SLC35F3: variants seen among roughly 807,000 people sequenced by gnomAD.
SLC35F3 encodes the protein solute carrier family 35 member F3.
SLC35F3 carries 25 observed loss-of-function variants against 49.9 expected under a neutral mutation model. The ratio of observed to expected loss-of-function variants is 0.50; its 90% CI spans 0.37 to 0.70. The LOEUF is 0.70. SLC35F3 is among the 30% of genes least tolerant of loss of function. SLC35F3 has a pLI of 0.00. For missense variants in SLC35F3, 525 were observed against 639.8 expected, an observed-to-expected ratio of 0.82 and a Z score of 1.94; for synonymous variants, 275 against 265.4, an observed-to-expected ratio of 1.04 and a Z score of -0.35.
chr1:234,223,570 G>A (rs879258223), intron 2 of SLC35F3, among the ~76,000 whole-genome samples: 1 of 152,132 alleles, frequency 6.6e-6, no homozygotes, highest in Non-Finnish European at 1.5e-5. Flanking sequence ...ATTCACAGGA[G>A]GCAAACAAAT....
At chr1:234,074,720 A>G (rs1476602684) in intron 2 of SLC35F3, among the ~76,000 whole-genome samples, 1 of 152,244 alleles carries the variant, frequency 6.6e-6, no homozygotes, top group African/African-American at 2.4e-5. Context: ...AAAGCAATCA[A>G]AGTAGAGAGG....
chr1:234,058,860 G>T (rs1361397854), intron 2 of SLC35F3, among the ~76,000 whole-genome samples: 1 of 151,868 alleles, frequency 6.6e-6, no homozygotes, highest in Non-Finnish European at 1.5e-5. Context: ...TACTCATTAT[G>T]TATCTATTTA....
chr1:234,286,458 T>C (rs1456800716), intron 3 of SLC35F3, among the ~76,000 whole-genome samples: 1 of 152,284 alleles, frequency 6.6e-6, no homozygotes, highest in Admixed American at 6.5e-5. Context: ...ATTATAACTT[T>C]ACCGTGAGTT....
At position 234,231,658 on chromosome 1, in the gene SLC35F3, C is replaced by T. The variant is rs1667378904; in HGVS notation, c.525C>T (p.Asn175=). Residue 175 remains asparagine (N), a synonymous_variant, in exon 3 of 8, where the codon AAC becomes AAT. Transcript: ENST00000366618. The surrounding 1 kb of genome is among the most constrained non-coding windows in gnomAD (Gnocchi z 5.4). Reference sequence around the variant, plus strand: ...TCACCCTCACGTGGTTTGCCACCAACTGGAACTTTTTATTCTTCCCGTTGT... The same window carrying T: ...TCACCCTCACGTGGTTTGCCACCAATTGGAACTTTTTATTCTTCCCGTTGT... ...APFTLTWFAT[N]WNFLFFPLYY... The T allele has an allele frequency of 1.2e-6, 2 of 1,614,104 alleles. No homozygotes were observed. The highest frequency in any genetic ancestry group is 2.2e-5 in the South Asian group (2 of 91,096).
At chr1:234,026,660 A>T (rs966876937) in intron 2 of SLC35F3, among the ~76,000 whole-genome samples, 2 of 152,132 alleles carry the variant, frequency 1.3e-5, no homozygotes, top group Non-Finnish European at 2.9e-5. Flanking sequence ...AGGTGAGAGG[A>T]TCACTTGAGA....
chr1:234,127,050 C>A (rs908637424), intron 2 of SLC35F3, among the ~76,000 whole-genome samples: 1 of 152,224 alleles, frequency 6.6e-6, no homozygotes, highest in African/African-American at 2.4e-5. Context: ...CTACAACATG[C>A]AACTTTCTAG....
At chr1:234,200,325 CT>C (rs1666884583) in intron 2 of SLC35F3, among the ~76,000 whole-genome samples, 1 of 152,016 alleles carries the variant, frequency 6.6e-6, no homozygotes, top group Admixed American at 6.6e-5. Flanking sequence ...ATTGGGTTGT[CT>C]TTTTATTTTT....
At chr1:234,253,395 T>C (rs1229682418) in intron 3 of SLC35F3, among the ~76,000 whole-genome samples, 1 of 151,744 alleles carries the variant, frequency 6.6e-6, no homozygotes, top group Non-Finnish European at 1.5e-5. Flanking sequence ...AGGGCTAGTG[T>C]TTATGCAATA....
In SLC35F3 at chr1:234,069,287, T is replaced by A. The variant is rs955139811; in HGVS notation, c.284-162130T>A. On this transcript the variant is annotated intron_variant, in intron 2 of 7. Transcript: ENST00000366618. ...ATTTTTTTTTTTTTGAGAGGGAGTC[T>A]TGCTCTGTCACCCAGGCTGGAGTGC... Among the ~76,000 whole-genome samples, 204 of 147,676 alleles carry A rather than the reference T, an allele frequency of 1.4e-3. 1 individual carries two copies. The highest frequency in any genetic ancestry group is 4.7e-3 in the African/African-American group (188 of 40,266).
chr1:234,181,705 G>A (rs1021378535), intron 2 of SLC35F3, among the ~76,000 whole-genome samples: 30 of 152,014 alleles, frequency 2.0e-4, no homozygotes, highest in Admixed American at 1.4e-3. Context: ...TTTGTCCTCC[G>A]TATTTCCTGT....
chr1:234,125,803 G>C (rs1352437948), intron 2 of SLC35F3, among the ~76,000 whole-genome samples: 2 of 152,132 alleles, frequency 1.3e-5, no homozygotes, highest in African/African-American at 4.8e-5. Context: ...CGCCTTCTCA[G>C]CTCCGGCATA....
At chr1:233,941,868 G>GTA (rs1662427991) in intron 2 of SLC35F3, among the ~76,000 whole-genome samples, 1 of 151,588 alleles carries the variant, frequency 6.6e-6, no homozygotes, top group Non-Finnish European at 1.5e-5. Flanking sequence ...GAATGTATGC[G>GTA]TACACCCATG....
chr1:233,927,423 A>G (rs1256026440), intron 2 of SLC35F3, among the ~76,000 whole-genome samples: 2 of 152,204 alleles, frequency 1.3e-5, no homozygotes, highest in Non-Finnish European at 2.9e-5. Flanking sequence ...TATACCTATA[A>G]CAACAAAAAA....
At chr1:234,202,040 T>C (rs964669842) in intron 2 of SLC35F3, among the ~76,000 whole-genome samples, 1 of 151,978 alleles carries the variant, frequency 6.6e-6, no homozygotes, top group Non-Finnish European at 1.5e-5. Context: ...CACCATGGAA[T>C]ACTATGCATA....
intron 2 of SLC35F3, among the ~76,000 whole-genome samples, chr1:234,173,334 G>A (rs1270720361): frequency 6.6e-6 from 1 of 152,210 alleles, no homozygotes; most frequent in Non-Finnish European, 1.5e-5. Flanking sequence ...CTGAAAGGTA[G>A]ACACTCTTAT....
chr1:234,323,222 C>T lies in SLC35F3; in HGVS notation c.1452C>T (p.Ala484=). The T allele has an allele frequency of 6.2e-7, 1 of 1,613,878 alleles. No homozygotes were observed. Residue 484 remains alanine (A), a synonymous_variant, in exon 8 of 8, where the codon GCC becomes GCT. Transcript: ENST00000366618. The surrounding 1 kb of genome is among the most constrained non-coding windows in gnomAD (Gnocchi z 4.5). ...SSGPQSKNRR[A]RPSFAR ...GACCTCAGAGCAAGAACAGAAGAGC[C>T]CGCCCTTCCTTCGCCCGCTAACACC...
At position 234,231,749 on chromosome 1, in the gene SLC35F3, C is replaced by G; in HGVS notation, c.608+8C>G. 1 of 1,588,404 alleles carries G rather than the reference C, an allele frequency of 6.3e-7. No homozygotes were observed. Among genetic ancestry groups the G allele is most frequent in the East Asian group, 2.2e-5 (1 of 44,552 alleles). Reference sequence around the variant, plus strand: ...TGTGAAGCAGCGATACAGGTAGGCGCGTCCTGCATGAGGAGGCCTCCTGAC... The same window carrying G: ...TGTGAAGCAGCGATACAGGTAGGCGGGTCCTGCATGAGGAGGCCTCCTGAC... On this transcript the variant is annotated splice_region_variant and intron_variant, in intron 3 of 7. Transcript: ENST00000366618. This position sits in a 1 kb window ranked among gnomAD's most constrained non-coding sequence, Gnocchi z 5.4.
At chr1:234,321,763 G>A (rs567181671) in intron 7 of SLC35F3, among the ~76,000 whole-genome samples, 55 of 152,288 alleles carry the variant, frequency 3.6e-4, no homozygotes, top group Admixed American at 9.2e-4. Flanking sequence ...ACCCTGCCGC[G>A]TATCTCACTT....
intron 2 of SLC35F3, among the ~76,000 whole-genome samples, chr1:234,079,300 A>G (rs1378715571): frequency 6.6e-6 from 1 of 152,168 alleles, no homozygotes; most frequent in Non-Finnish European, 1.5e-5. Context: ...GTCTAACTTC[A>G]TTATTTTGAA....
Sources: gnomAD v4.1 joint callset for allele counts (sites outside exome capture counted in the v4.1 genomes callset) on GRCh38, gnomAD v4.1.1 for gene constraint, Gnocchi (gnomAD v3.1) non-coding constraint, MANE v1.5 for transcripts, NCBI Gene and HGNC (gene_info 2026-07-23, HGNC 2026-07-21) for gene names.